Variants in PDHX observed in about 807,000 individuals in gnomAD.
PDHX encodes the protein pyruvate dehydrogenase complex component X, also known as pyruvate dehydrogenase protein X component, mitochondrial.
A neutral mutation model predicts 55.3 loss-of-function variants in PDHX; 33 were observed. The observed-to-expected ratio is 0.60, with a 90% CI of 0.45 to 0.80. The LOEUF (loss-of-function observed/expected upper bound fraction) is 0.80, where lower values mean the gene tolerates loss of function less well. PDHX is among the 30% of genes least tolerant of loss of function. The pLI is 0.00. For missense variants in PDHX, 622 were observed against 619.9 expected (o/e 1.00, Z -0.04); for synonymous variants, 226 against 219.4 (o/e 1.03, Z -0.27).
chr11:34,972,395 A>ATTTTTTTT (rs35664323), intron 7 of PDHX, among the ~76,000 whole-genome samples: 1 of 145,852 alleles, frequency 6.9e-6, no homozygotes, highest in Non-Finnish European at 1.5e-5. Flanking sequence ...ACAAATGTTG[A>ATTTTTTTT]TTTTTTTTTT....
At chr11:34,935,954 A>T (rs2956127) in intron 2 of PDHX, among the ~76,000 whole-genome samples, 10 of 152,186 alleles carry the variant, frequency 6.6e-5, no homozygotes, top group Non-Finnish European at 1.5e-4. Context: ...GTAAAATAGT[A>T]TCAAAAGAGT....
rs746415239 is a variant in PDHX at position 34,921,943 on chromosome 11, C to T, written c.160+5128C>T. Reference sequence around the variant, plus strand: ...CCCTGCAAAGGTTTGCCAGGTTTCACGGGAGAAGAAATAGACTCAGAGAGG... The same window carrying T: ...CCCTGCAAAGGTTTGCCAGGTTTCATGGGAGAAGAAATAGACTCAGAGAGG... On this transcript the variant is annotated intron_variant, in intron 1 of 10. Coordinates refer to ENST00000227868, the MANE Select transcript of PDHX (RefSeq NM_003477.3). 3.0e-4 allele frequency among the ~76,000 whole-genome samples: 46 copies of T among 152,150 alleles called. 1 individual carries two copies. The highest frequency in any genetic ancestry group is 1.7e-3 in the Admixed American group (26 of 15,278).
chr11:34,917,210 G>A (rs1853745922), intron 1 of PDHX, among the ~76,000 whole-genome samples: 1 of 152,280 alleles, frequency 6.6e-6, no homozygotes, highest in East Asian at 1.9e-4. Flanking sequence ...AAAAGCCACT[G>A]TTGGGAGTTC....
intron 7 of PDHX, among the ~76,000 whole-genome samples, chr11:34,974,467 T>A (rs878936216): frequency 6.6e-6 from 1 of 152,220 alleles, no homozygotes. Flanking sequence ...AATACTGCTG[T>A]GAACGTGGCT....
rs61657945 is a variant in PDHX, at chr11:34,991,479, A to C, written c.1183-836A>C. Among the ~76,000 whole-genome samples, 1,067 of 152,308 alleles carry C rather than the reference A, an allele frequency of 7.0e-3. 9 individuals carry two copies. Among genetic ancestry groups the C allele is most frequent in the African/African-American group, 0.025 (1,037 of 41,570 alleles). On this transcript the variant is annotated intron_variant, in intron 9 of 10. Coordinates refer to ENST00000227868, the MANE Select transcript of PDHX (RefSeq NM_003477.3). ...ATATAATATTGAACAATTAAATATA[A>C]AATTTATTTTTTATAACCATTGTGT...
At position 34,943,334 on chromosome 11, in the gene PDHX, T is replaced by C. The variant is rs140492490; in HGVS notation, c.242-4172T>C. Among the ~76,000 whole-genome samples, 514 of 152,364 alleles carry C rather than the reference T, an allele frequency of 3.4e-3. 1 individual carries two copies. The highest frequency in any genetic ancestry group is 0.011 in the African/African-American group (476 of 41,586). On this transcript the variant is annotated intron_variant, in intron 2 of 10. Coordinates refer to ENST00000227868, the MANE Select transcript of PDHX (RefSeq NM_003477.3). ...AGGTCAAGTTACTCAGAGAAAGTTA[T>C]ATAGCTGAAGTCGAATCTGTAGTTC...
At chr11:34,976,399 A>G (rs1207957408) in intron 7 of PDHX, among the ~76,000 whole-genome samples, 2 of 152,236 alleles carry the variant, frequency 1.3e-5, no homozygotes. Context: ...TCCATTATAA[A>G]GAGTTAAAAA....
intron 5 of PDHX, among the ~76,000 whole-genome samples, chr11:34,964,085 T>C (rs1340122327): frequency 6.6e-6 from 1 of 152,214 alleles, no homozygotes; most frequent in Non-Finnish European, 1.5e-5. Context: ...CAGAGCATCC[T>C]CTGCCTATCT....
chr11:34,939,434 G>T (rs759603650), intron 2 of PDHX, among the ~76,000 whole-genome samples: 1 of 151,808 alleles, frequency 6.6e-6, no homozygotes, highest in Non-Finnish European at 1.5e-5. Context: ...TTTTTTCAAA[G>T]ATCTGAGACT....
intron 2 of PDHX, among the ~76,000 whole-genome samples, chr11:34,936,286 T>A (rs12295537): frequency 0.19 from 28,748 of 151,996 alleles, 3,871 homozygotes; most frequent in African/African-American, 0.39. Context: ...ACCAAGTCTG[T>A]TTGGGCATAT....
At chr11:34,946,850 G>C (rs1854632090) in intron 2 of PDHX, among the ~76,000 whole-genome samples, 1 of 152,100 alleles carries the variant, frequency 6.6e-6, no homozygotes, top group Non-Finnish European at 1.5e-5. Flanking sequence ...ATCCCCAAAG[G>C]AAACTGTTGT....
At position 34,957,409 on chromosome 11, in the gene PDHX, G is replaced by A. The variant is rs150462412; in HGVS notation, c.368G>A (p.Arg123Gln). 90 of 1,610,764 alleles carry A rather than the reference G, an allele frequency of 5.6e-5. No homozygotes were observed. The African/African-American group carries it at 5.9e-4, about 11-fold the overall frequency. The change falls in exon 4 of 11, where the codon CGG becomes CAG. Residue 123 changes from arginine (R) to glutamine (Q), a missense_variant. Transcript: ENST00000227868. ...GTTGAAGAAGGAAGTAAAAATATAC[G>A]GCTAGGTTCACTAATTGGTTTGATA... ...IVVEEGSKNIRLGSLIGLIVE... is the reference protein window; with the variant it reads ...IVVEEGSKNIQLGSLIGLIVE...
chr11:34,991,906 C>CAAAAAAAA (rs1169109545), intron 9 of PDHX, among the ~76,000 whole-genome samples: 10 of 37,214 alleles, frequency 2.7e-4, no homozygotes, highest in Non-Finnish European at 6.3e-4. Flanking sequence ...TGAGACTTCT[C>CAAAAAAAA]AAAAAAAAAA....
chr11:34,932,571 G>T (rs899713026), intron 2 of PDHX, among the ~76,000 whole-genome samples: 1 of 152,162 alleles, frequency 6.6e-6, no homozygotes, highest in Non-Finnish European at 1.5e-5. Flanking sequence ...TAAAAAGTTC[G>T]ACAAGCTGTT....
chr11:34,946,407 A>C (rs1854621082), intron 2 of PDHX, among the ~76,000 whole-genome samples: 1 of 152,082 alleles, frequency 6.6e-6, no homozygotes, highest in African/African-American at 2.4e-5. Context: ...TCTGAAAAGA[A>C]TTTTTGTTAC....
At chr11:34,950,644 T>C (rs542036741) in intron 3 of PDHX, among the ~76,000 whole-genome samples, 1 of 151,624 alleles carries the variant, frequency 6.6e-6, no homozygotes, top group Non-Finnish European at 1.5e-5. Flanking sequence ...TTTGTCCTTG[T>C]GATAGTTTAC....
At position 34,947,617 on chromosome 11, in the gene PDHX, A is replaced by G; in HGVS notation, c.342+11A>G. ...TTGGCCAAAATCGTGGTAAGTTTTT[A>G]TTTTAATTTTCTTCAACAGGATGAA... On this transcript the variant is annotated intron_variant, in intron 3 of 10. Coordinates refer to ENST00000227868, the MANE Select transcript of PDHX (RefSeq NM_003477.3). The G allele has an allele frequency of 1.3e-6, 2 of 1,542,870 alleles. No homozygotes were observed. The highest frequency in any genetic ancestry group is 2.2e-5 in the East Asian group (1 of 44,542).
chr11:34,984,666 C>G lies in PDHX; in HGVS notation c.1120C>G (p.Leu374Val), dbSNP rs1437153822. Residue 374 changes from leucine (L) to valine (V), a missense_variant, in exon 9 of 11, where the codon CTT becomes GTT. Physicochemically the swap from Leu to Val is conservative, Grantham distance 32. Coordinates refer to ENST00000227868, the MANE Select transcript of PDHX (RefSeq NM_003477.3). ...SVAVATDKGLLTPIIKDAAAK... is the reference protein window; with the variant it reads ...SVAVATDKGLVTPIIKDAAAK... ...GGCTGTGGCAACAGATAAAGGCTTACTTACTCCAATCATAAAAGATGCTGC... is the reference window on the plus strand; with the variant it reads ...GGCTGTGGCAACAGATAAAGGCTTAGTTACTCCAATCATAAAAGATGCTGC... 1 of 1,614,058 alleles carries G rather than the reference C, an allele frequency of 6.2e-7. No individual in the cohort carries two copies. Among genetic ancestry groups the G allele is most frequent in the Admixed American group, 1.7e-5 (1 of 60,028 alleles).
intron 1 of PDHX, among the ~76,000 whole-genome samples, chr11:34,918,253 A>G (rs965071972): frequency 6.6e-6 from 1 of 151,354 alleles, no homozygotes; most frequent in African/African-American, 2.4e-5. Context: ...CCCGGGCAAC[A>G]AAGTGAGACC....
Sources: gnomAD v4.1 joint callset for allele counts (sites outside exome capture counted in the v4.1 genomes callset) on GRCh38, gnomAD v4.1.1 for gene constraint, MANE v1.5 for transcripts, NCBI Gene and HGNC (gene_info 2026-07-23, HGNC 2026-07-21) for gene names.